HERC2: variants seen among roughly 807,000 people sequenced by gnomAD.
HERC2 encodes E3 ubiquitin-protein ligase HERC2.
A neutral mutation model predicts 537.7 loss-of-function variants in HERC2; 102 were observed. The ratio of observed to expected loss-of-function variants is 0.19; its 90% CI spans 0.16 to 0.22. The LOEUF (loss-of-function observed/expected upper bound fraction) is 0.22, where lower values mean the gene tolerates loss of function less well. Ranked by LOEUF, HERC2 falls within the 10% of genes least tolerant of loss-of-function variation. HERC2 has a pLI of 1.00. For synonymous variants in HERC2, 2,224 were observed against 2,466.2 expected (o/e 0.90, Z 2.91); for missense variants, 4,236 against 6,198.2 (o/e 0.68, Z 10.63).
chr15:28,294,401 C>G (rs574453319), intron 3 of HERC2, among the ~76,000 whole-genome samples: 38 of 150,108 alleles, frequency 2.5e-4, no homozygotes, highest in African/African-American at 8.8e-4. Context: ...CTGCTAAACA[C>G]TAAGGACAAA....
chr15:28,150,062 T>C (rs547239196), intron 70 of HERC2, among the ~76,000 whole-genome samples: 25 of 139,148 alleles, frequency 1.8e-4, no homozygotes, highest in Admixed American at 1.6e-3. Flanking sequence ...GAACATCACC[T>C]AGAACGGCCA....
intron 2 of HERC2, among the ~76,000 whole-genome samples, chr15:28,318,481 A>G (rs2077148953): frequency 6.6e-6 from 1 of 152,126 alleles, no homozygotes; most frequent in Non-Finnish European, 1.5e-5. Context: ...ACACAAAATT[A>G]GCCAGGCGTG....
chr15:28,132,926 G>A, intron 79 of HERC2, 96 bp from the exon 80 acceptor site: 1 of 977,800 alleles, frequency 1.0e-6, no homozygotes, highest in Admixed American at 3.3e-5. Context: ...TTCCTAATCA[G>A]TTAATTGTTA....
intron 2 of HERC2, among the ~76,000 whole-genome samples, chr15:28,306,771 G>A (rs1321931562): frequency 6.6e-6 from 1 of 152,170 alleles, no homozygotes; most frequent in Non-Finnish European, 1.5e-5. Flanking sequence ...GGTATGTTCA[G>A]GTTCTGGATT....
chr15:28,270,507 C>T (rs1032871464), intron 10 of HERC2, among the ~76,000 whole-genome samples, 188 bp downstream of exon 10: 2 of 152,028 alleles, frequency 1.3e-5, no homozygotes, highest in Non-Finnish European at 2.9e-5. Context: ...CAGGCCTGTG[C>T]GCCTCAGCTT....
At chr15:28,279,615 CCACACACACACA>C (rs58447102) in intron 5 of HERC2, among the ~76,000 whole-genome samples, 293 of 141,684 alleles carry the variant, frequency 2.1e-3, no homozygotes, top group African/African-American at 7.0e-3. Context: ...GACCCCATCT[CCACACACACACA>C]CACACACACA....
chr15:28,178,585 T>G (rs573384168), intron 59 of HERC2, among the ~76,000 whole-genome samples: 2 of 152,204 alleles, frequency 1.3e-5, no homozygotes, highest in Non-Finnish European at 2.9e-5. Context: ...CTCCCTACAC[T>G]GAAAGAGTGG....
intron 2 of HERC2, among the ~76,000 whole-genome samples, chr15:28,307,804 G>C (rs1279608085): frequency 6.6e-6 from 1 of 152,234 alleles, no homozygotes; most frequent in East Asian, 1.9e-4. Context: ...ATTTATTGAA[G>C]AGATTGTCTT....
At chr15:28,197,251 T>C (rs376770308) in intron 50 of HERC2, among the ~76,000 whole-genome samples, 6 of 152,212 alleles carry the variant, frequency 3.9e-5, no homozygotes, top group Non-Finnish European at 8.8e-5. Context: ...ATAATCTCTT[T>C]ATGGCATCAA....
intron 12 of HERC2, among the ~76,000 whole-genome samples, chr15:28,267,855 G>T (rs2075611332): frequency 6.6e-6 from 1 of 152,166 alleles, no homozygotes; most frequent in East Asian, 1.9e-4. Flanking sequence ...ACAAGAAATG[G>T]GCTTGCTGGG....
intron 69 of HERC2, among the ~76,000 whole-genome samples, chr15:28,156,867 A>G (rs1034834656): frequency 6.6e-5 from 10 of 152,216 alleles, no homozygotes; most frequent in African/African-American, 2.4e-4. Context: ...TTGCCCATTC[A>G]GTATGATATT....
At chr15:28,273,092 C>G (rs1469887413) in intron 7 of HERC2, 88 bp from the exon 8 acceptor site, 6 of 892,292 alleles carry the variant, frequency 6.7e-6, no homozygotes, top group Non-Finnish European at 1.1e-5. Context: ...ACTACACGCT[C>G]CCTCCAAAGG....
At chr15:28,192,231 AG>A in intron 52 of HERC2, 80 bp from the exon 53 acceptor site, 1 of 1,215,582 alleles carries the variant, frequency 8.2e-7, no homozygotes, top group Non-Finnish European at 1.1e-6. Flanking sequence ...TTACATAGTA[AG>A]GAGCTTCTTA....
In HERC2 at chr15:28,260,815, T is replaced by C; in HGVS notation, c.2278A>G (p.Thr760Ala). ...PEPAALPGLDTKHIVGIACGP... is the reference protein window; with the variant it reads ...PEPAALPGLDAKHIVGIACGP... Reference sequence around the variant, plus strand: ...CAGGCAATTCCCACTATGTGTTTGGTGTCCAGTCCTGGCAATGCTGCAGGT... The same window carrying C: ...CAGGCAATTCCCACTATGTGTTTGGCGTCCAGTCCTGGCAATGCTGCAGGT... Residue 760 changes from threonine to alanine, a missense_variant, in exon 16 of 93, where the codon ACC becomes GCC. This residue lies in a region of HERC2 where 754 missense variants were observed against 1,085.0 expected (regional missense o/e 0.69). Transcript: ENST00000261609. The C allele has an allele frequency of 6.2e-7, 1 of 1,614,244 alleles. No individual in the cohort carries two copies. The highest frequency in any genetic ancestry group is 8.5e-7 in the Non-Finnish European group (1 of 1,180,036).
intron 19 of HERC2, 144 bp downstream of exon 19, chr15:28,255,728 C>T: frequency 1.1e-6 from 1 of 870,026 alleles, no homozygotes; most frequent in Non-Finnish European, 1.7e-6. Context: ...TGTAAATTGG[C>T]ACATAAAAGA....
At chr15:28,133,111 G>A (rs953161822) in intron 79 of HERC2, among the ~76,000 whole-genome samples, 2 of 150,596 alleles carry the variant, frequency 1.3e-5, no homozygotes, top group African/African-American at 4.9e-5. Context: ...CCTATGAGCT[G>A]AGAACAGGTT....
chr15:28,209,831 C>T (rs1277900230), intron 44 of HERC2, among the ~76,000 whole-genome samples: 1 of 151,186 alleles, frequency 6.6e-6, no homozygotes, highest in Non-Finnish European at 1.5e-5. Flanking sequence ...ACCATGGTAT[C>T]ACACTGTATG....
At chr15:28,131,771 A>T (rs1179886886) in intron 81 of HERC2, among the ~76,000 whole-genome samples, 1 of 152,148 alleles carries the variant, frequency 6.6e-6, no homozygotes, top group Admixed American at 6.5e-5. Flanking sequence ...AAACTGAGAG[A>T]GTGTGAGCCA....
chr15:28,169,776 A>G (rs1032262214), intron 65 of HERC2, 121 bp from the exon 66 acceptor site: 37 of 881,454 alleles, frequency 4.2e-5, no homozygotes, highest in Non-Finnish European at 6.3e-5. Context: ...CTATTTCACA[A>G]AGCACCTATC....
Sources: gnomAD v4.1 joint callset for allele counts (sites outside exome capture counted in the v4.1 genomes callset) on GRCh38, gnomAD v4.1.1 for gene constraint, gnomAD v4.1.1 regional missense constraint, MANE v1.5 for transcripts, NCBI Gene and HGNC (gene_info 2026-07-23, HGNC 2026-07-21) for gene names.